Variants in FBLN7 observed in about 807,000 individuals in gnomAD.
FBLN7 encodes the protein fibulin-7.
Under a neutral mutation model 44.0 loss-of-function variants are expected in FBLN7, and 31 were observed. The observed-to-expected ratio is 0.70, with a 90% CI of 0.53 to 0.95. FBLN7 has a LOEUF of 0.95. Among genes scored for constraint, FBLN7 ranks in the 40% least tolerant of loss-of-function variants. The pLI is 0.00. For synonymous variants in FBLN7, 262 were observed against 253.4 expected, an observed-to-expected ratio of 1.03 and a Z score of -0.32; for missense variants, 573 against 618.5, an observed-to-expected ratio of 0.93 and a Z score of 0.78.
At chr2:112,231,094 GA>G in the FBLN7 span, 1 of 472,646 alleles carries the variant, frequency 2.1e-6, no homozygotes, top group Non-Finnish European at 3.1e-6. Flanking sequence ...TACAGGAACT[GA>G]AAAACTTATT....
At chr2:112,229,538 C>A in the FBLN7 span, among the ~76,000 whole-genome samples, 1 of 152,158 alleles carries the variant, frequency 6.6e-6, no homozygotes, top group African/African-American at 2.4e-5. Context: ...ATGAGAAGAA[C>A]ATGCCCTAGC....
Position 112,175,697 on chromosome 2 carries a change from ATTAT to A in FBLN7, c.407-12_407-9del. The A allele has an allele frequency of 1.2e-6, 2 of 1,613,548 alleles. No individual in the cohort carries two copies. The highest frequency in any genetic ancestry group is 1.7e-6 in the Non-Finnish European group (2 of 1,179,794). On this transcript the variant is annotated splice_polypyrimidine_tract_variant and intron_variant, in intron 3 of 7. Transcript: ENST00000331203. Reference sequence around the variant, plus strand: ...AGAACTCACATCCGTATATTTGAAAATTATTTATCTTCCTAGGTATCAGTGAATG... The same window carrying A: ...AGAACTCACATCCGTATATTTGAAAATTATCTTCCTAGGTATCAGTGAATG...
chr2:112,214,300 T>C, the FBLN7 span: 1 of 152,120 alleles, frequency 6.6e-6, no homozygotes, highest in Non-Finnish European at 1.5e-5. Flanking sequence ...TCCTTTCTGG[T>C]ATTGAGAGGT....
intron 3 of FBLN7, among the ~76,000 whole-genome samples, chr2:112,173,021 A>G (rs772081630): frequency 1.8e-4 from 28 of 152,192 alleles, no homozygotes; most frequent in Non-Finnish European, 3.8e-4. Context: ...CAAAGTCTTA[A>G]TATTAAGGAG....
At chr2:112,228,234 G>A in the FBLN7 span, among the ~76,000 whole-genome samples, 1 of 152,146 alleles carries the variant, frequency 6.6e-6, no homozygotes, top group African/African-American at 2.4e-5. Context: ...CAGGCACAGT[G>A]GCTCACCTTT....
the FBLN7 span, among the ~76,000 whole-genome samples, chr2:112,240,880 C>T: frequency 3.8e-4 from 58 of 151,562 alleles, 1 homozygote; most frequent in South Asian, 8.5e-3. Context: ...GTCTAAATAA[C>T]TTTTTTTATT....
At chr2:112,159,191 G>GTTTTTTTTT (rs5833433) in intron 1 of FBLN7, among the ~76,000 whole-genome samples, 1 of 147,450 alleles carries the variant, frequency 6.8e-6, no homozygotes, top group Non-Finnish European at 1.5e-5. Context: ...ACTCTAGTGA[G>GTTTTTTTTT]TTTTTTTTTT....
chr2:112,194,810 C>A, the FBLN7 span, among the ~76,000 whole-genome samples: 1 of 152,182 alleles, frequency 6.6e-6, no homozygotes, highest in Non-Finnish European at 1.5e-5. Context: ...TGCATGCATT[C>A]TTTTGGGTGT....
intron 1 of FBLN7, among the ~76,000 whole-genome samples, chr2:112,142,580 A>G (rs1447774948): frequency 1.3e-5 from 2 of 152,122 alleles, no homozygotes; most frequent in East Asian, 3.9e-4. Context: ...GGTGGGAGGC[A>G]CTGAGGACAG....
At chr2:112,138,821 C>T in intron 1 of FBLN7, 91 bp downstream of exon 1, 1 of 574,916 alleles carries the variant, frequency 1.7e-6, no homozygotes, top group South Asian at 3.9e-5. Flanking sequence ...GGCCAGCGTC[C>T]CTCCCGCCTC....
At chr2:112,140,147 C>T (rs1573751712) in intron 1 of FBLN7, among the ~76,000 whole-genome samples, 1 of 127,758 alleles carries the variant, frequency 7.8e-6, no homozygotes, top group South Asian at 2.7e-4. Context: ...TCTCTCCACG[C>T]CAGTGTCCCT....
chr2:112,226,316 C>T, the FBLN7 span, among the ~76,000 whole-genome samples: 11 of 151,214 alleles, frequency 7.3e-5, no homozygotes, highest in Non-Finnish European at 1.3e-4. Context: ...CGGCTGGGCG[C>T]GGTAGCTCAC....
At chr2:112,240,952 AGTGTGT>A in the FBLN7 span, among the ~76,000 whole-genome samples, 10,524 of 142,648 alleles carry the variant, frequency 0.074, 578 homozygotes, top group East Asian at 0.33. Flanking sequence ...TACAGGTAAC[AGTGTGT>A]GTGTGTGTGT....
rs1286491828 is a variant in FBLN7 at position 112,153,934 on chromosome 2, C to T, written c.76-5742C>T. ...CATGGGCCTTCTTGCTTCCAAGAGC[C>T]TTAAAACCAGCTCCTCCCCTCGCCC... On this transcript the variant is annotated intron_variant, in intron 1 of 7. Coordinates refer to ENST00000331203, the MANE Select transcript of FBLN7 (RefSeq NM_153214.3). Among the ~76,000 whole-genome samples the T allele has an allele frequency of 1.3e-5, 2 of 152,280 alleles. 1 individual carries two copies. The highest frequency in any genetic ancestry group is 4.2e-4 in the South Asian group (2 of 4,818).
chr2:112,154,189 T>C (rs1681301701), intron 1 of FBLN7, among the ~76,000 whole-genome samples: 1 of 152,232 alleles, frequency 6.6e-6, no homozygotes, highest in Admixed American at 6.5e-5. Flanking sequence ...ACTGCATGTC[T>C]CCTCTTAGTT....
intron 1 of FBLN7, among the ~76,000 whole-genome samples, chr2:112,150,862 G>A (rs144518996): frequency 6.6e-6 from 1 of 152,300 alleles, no homozygotes; most frequent in East Asian, 1.9e-4. Context: ...CTGCCACTTA[G>A]CTCACCAAGC....
At chr2:112,184,926 T>C (rs544596727) in intron 6 of FBLN7, among the ~76,000 whole-genome samples, 4 of 151,464 alleles carry the variant, frequency 2.6e-5, no homozygotes, top group South Asian at 2.1e-4. Flanking sequence ...AAGAGAAGCA[T>C]TGTGACCAGT....
chr2:112,201,856 G>T, the FBLN7 span, among the ~76,000 whole-genome samples: 1 of 152,224 alleles, frequency 6.6e-6, no homozygotes, highest in African/African-American at 2.4e-5. Context: ...TCAGCTACAT[G>T]AGGAAGTTTA....
chr2:112,238,217 A>C, the FBLN7 span: 4 of 1,219,078 alleles, frequency 3.3e-6, no homozygotes, highest in Non-Finnish European at 3.4e-6. Flanking sequence ...TAGTCTTATC[A>C]TAAGATAAAG....
Sources: allele counts gnomAD v4.1 joint callset (sites outside exome capture counted in the v4.1 genomes callset), GRCh38; gene constraint gnomAD v4.1.1; transcripts MANE v1.5; gene names NCBI Gene and HGNC (gene_info 2026-07-23, HGNC 2026-07-21).